The following CCDC178 variants were observed in gnomAD, a reference collection of about 807,000 sequenced individuals.
CCDC178 encodes coiled-coil domain containing 178, also known as coiled-coil domain-containing protein 178.
Under a neutral mutation model 117.4 loss-of-function variants are expected in CCDC178, and 126 were observed. That is an observed-to-expected ratio of 1.07 (90% confidence interval 0.93 to 1.24). CCDC178 has a LOEUF of 1.24. Among genes scored for constraint, CCDC178 ranks in the 50% most tolerant of loss-of-function variants. CCDC178 has a pLI of 0.00. For synonymous variants in CCDC178, 283 were observed against 313.4 expected, an observed-to-expected ratio of 0.90 and a Z score of 1.02; for missense variants, 1,030 against 986.9, an observed-to-expected ratio of 1.04 and a Z score of -0.59.
intron 20 of CCDC178, among the ~76,000 whole-genome samples, chr18:33,140,028 T>C (rs1389424652): frequency 2.6e-5 from 4 of 152,180 alleles, no homozygotes; most frequent in Non-Finnish European, 5.9e-5. Flanking sequence ...CAGCTCCGGC[T>C]GTGGCTTCAG....
chr18:33,064,420 A>G (rs1035432459), intron 21 of CCDC178, among the ~76,000 whole-genome samples: 2 of 152,186 alleles, frequency 1.3e-5, no homozygotes, highest in African/African-American at 4.8e-5. Flanking sequence ...ACCATTGAGC[A>G]CTCCAACAAT....
chr18:33,116,574 G>A (rs1198873018), intron 20 of CCDC178, among the ~76,000 whole-genome samples: 2 of 152,076 alleles, frequency 1.3e-5, no homozygotes, highest in East Asian at 1.9e-4. Context: ...ACCCAGAGCC[G>A]TTGCTCACTT....
intron 11 of CCDC178, among the ~76,000 whole-genome samples, chr18:33,303,741 T>C (rs766241819): frequency 1.2e-4 from 18 of 152,022 alleles, no homozygotes; most frequent in Non-Finnish European, 2.9e-5. Context: ...AATTGTTGTG[T>C]TAATCTGCAT....
intron 20 of CCDC178, among the ~76,000 whole-genome samples, chr18:33,194,873 A>G (rs1568047302): frequency 6.8e-6 from 1 of 147,770 alleles, no homozygotes; most frequent in Non-Finnish European, 1.5e-5. Context: ...AGACCAGCCT[A>G]GGCAATACAA....
At chr18:33,189,901 A>ATCTT (rs2058837997) in intron 20 of CCDC178, among the ~76,000 whole-genome samples, 1 of 152,142 alleles carries the variant, frequency 6.6e-6, no homozygotes, top group Non-Finnish European at 1.5e-5. Flanking sequence ...GGTAGCCCTA[A>ATCTT]TCTTGGGTGG....
At chr18:32,980,540 C>G (rs1174807055) in intron 21 of CCDC178, among the ~76,000 whole-genome samples, 20 of 144,478 alleles carry the variant, frequency 1.4e-4, no homozygotes, top group Non-Finnish European at 1.8e-4. Context: ...CACAGCACTC[C>G]CGCCTGGGCG....
chr18:33,091,324 CTTT>C (rs746505005), intron 21 of CCDC178, among the ~76,000 whole-genome samples: 15 of 43,898 alleles, frequency 3.4e-4, no homozygotes, highest in African/African-American at 5.6e-4. Context: ...TTATTTCATT[CTTT>C]TTTTTTTTTT....
chr18:33,101,297 A>G (rs1328364675), intron 20 of CCDC178, among the ~76,000 whole-genome samples: 1 of 151,676 alleles, frequency 6.6e-6, no homozygotes, highest in African/African-American at 2.4e-5. Context: ...ATATATTTTA[A>G]AAGTCTGCTC....
intron 11 of CCDC178, 74 bp from the exon 12 acceptor site, chr18:33,293,386 C>T (rs1438402820): frequency 3.2e-6 from 3 of 940,022 alleles, no homozygotes; most frequent in Non-Finnish European, 4.6e-6. Context: ...TTAGGCCAGG[C>T]TTGGTGGCTC....
At chr18:33,165,452 T>C (rs2058517313) in intron 20 of CCDC178, among the ~76,000 whole-genome samples, 2 of 152,304 alleles carry the variant, frequency 1.3e-5, no homozygotes, top group African/African-American at 4.8e-5. Flanking sequence ...TGCCATTGTA[T>C]GTTGGGAACT....
At chr18:33,185,854 A>G (rs2058786662) in intron 20 of CCDC178, among the ~76,000 whole-genome samples, 1 of 151,566 alleles carries the variant, frequency 6.6e-6, no homozygotes, top group Non-Finnish European at 1.5e-5. Flanking sequence ...TTCCAACGTT[A>G]TTTTCTTGCT....
intron 20 of CCDC178, among the ~76,000 whole-genome samples, chr18:33,115,189 A>G (rs993988577): frequency 6.6e-6 from 1 of 151,984 alleles, no homozygotes; most frequent in African/African-American, 2.4e-5. Context: ...TTAGGGTATT[A>G]TCTTCGCCAT....
At chr18:33,080,251 C>A (rs2145030400) in intron 21 of CCDC178, among the ~76,000 whole-genome samples, 1 of 152,146 alleles carries the variant, frequency 6.6e-6, no homozygotes, top group South Asian at 2.1e-4. Context: ...AGGAAGGGAA[C>A]AACAGACACT....
chr18:33,235,283 G>A (rs1017905650), intron 15 of CCDC178, among the ~76,000 whole-genome samples: 2 of 151,988 alleles, frequency 1.3e-5, no homozygotes, highest in African/African-American at 4.8e-5. Flanking sequence ...CATTGAAAAC[G>A]ACCCCCACCC....
At chr18:33,310,061 A>G (rs1484855795) in intron 11 of CCDC178, among the ~76,000 whole-genome samples, 1 of 151,932 alleles carries the variant, frequency 6.6e-6, no homozygotes. Context: ...TCCTGGGTTC[A>G]AGCAATTCCC....
intron 20 of CCDC178, among the ~76,000 whole-genome samples, chr18:33,160,695 C>T (rs1282826492): frequency 6.6e-6 from 1 of 152,088 alleles, no homozygotes; most frequent in Non-Finnish European, 1.5e-5. Flanking sequence ...TTATTTACTA[C>T]CATTCCTGGA....
At chr18:33,391,405 G>A (rs1002187853) in intron 4 of CCDC178, among the ~76,000 whole-genome samples, 1 of 151,922 alleles carries the variant, frequency 6.6e-6, no homozygotes, top group Non-Finnish European at 1.5e-5. Context: ...GGCATATGAA[G>A]TTCAGAATAA....
chr18:33,269,679 T>A (rs951831233), intron 12 of CCDC178, among the ~76,000 whole-genome samples: 1 of 151,766 alleles, frequency 6.6e-6, no homozygotes, highest in Admixed American at 6.6e-5. Flanking sequence ...GACAACAGAC[T>A]TTACTTAATT....
At position 33,223,233 on chromosome 18, in the gene CCDC178, A is replaced by T. The variant is rs2059259786; in HGVS notation, c.1819-14T>A. 6.3e-7 allele frequency: 1 copy of T among 1,580,556 alleles called. No homozygotes were observed. Among genetic ancestry groups the T allele is most frequent in the African/African-American group, 1.4e-5 (1 of 73,476 alleles). The stretch of plus-strand genomic sequence containing the variant: ...ATTATTAAGCATCTAGAAGACATTC[A>T]GATATTAAGATGTGCAGCATTTGCA... On this transcript the variant is annotated splice_polypyrimidine_tract_variant and intron_variant, in intron 17 of 22. Coordinates refer to ENST00000383096, the MANE Select transcript of CCDC178 (RefSeq NM_001105528.4).
Sources: gnomAD v4.1 joint callset for allele counts (sites outside exome capture counted in the v4.1 genomes callset) on GRCh38, gnomAD v4.1.1 for gene constraint, MANE v1.5 for transcripts, NCBI Gene and HGNC (gene_info 2026-07-23, HGNC 2026-07-21) for gene names.